TMPRSS12: variants seen among roughly 807,000 people sequenced by gnomAD.
TMPRSS12 encodes the protein transmembrane protease serine 12.
A neutral mutation model predicts 26.0 loss-of-function variants in TMPRSS12; 25 were observed. The observed-to-expected ratio is 0.96, with a 90% CI of 0.70 to 1.34. The LOEUF (loss-of-function observed/expected upper bound fraction) is 1.34. Among genes scored for constraint, TMPRSS12 ranks in the 40% most tolerant of loss-of-function variants. The pLI, the probability that TMPRSS12 is intolerant of heterozygous loss-of-function variation, is 0.00. For missense variants in TMPRSS12, 441 were observed against 440.1 expected, an observed-to-expected ratio of 1.00 and a Z score of -0.02; for synonymous variants, 150 against 161.7, an observed-to-expected ratio of 0.93 and a Z score of 0.55.
intron 3 of TMPRSS12, among the ~76,000 whole-genome samples, chr12:50,871,735 A>T (rs1938044596): frequency 6.6e-6 from 1 of 152,184 alleles, no homozygotes; most frequent in Admixed American, 6.5e-5. Context: ...AACTTAGACA[A>T]ATCAGCAAGC....
rs149552573 is a variant in TMPRSS12 at position 50,882,863 on chromosome 12, C to T, written c.653-2383C>T. Among the ~76,000 whole-genome samples the T allele has an allele frequency of 3.1e-3, 474 of 152,218 alleles. 1 individual carries two copies. Among genetic ancestry groups the T allele is most frequent in the African/African-American group, 0.011 (457 of 41,534 alleles). On this transcript the variant is annotated intron_variant, in intron 3 of 4. Transcript: ENST00000398458. Reference sequence around the variant, plus strand: ...ACAGATCATCTAAATCCTATACATACGCTTCCAAAGAATACAAAAGGAAGG... The same window carrying T: ...ACAGATCATCTAAATCCTATACATATGCTTCCAAAGAATACAAAAGGAAGG...
At chr12:50,865,919 A>T (rs1592220936) in intron 3 of TMPRSS12, among the ~76,000 whole-genome samples, 1 of 152,184 alleles carries the variant, frequency 6.6e-6, no homozygotes, top group East Asian at 1.9e-4. Context: ...TTGAGTACAG[A>T]CTGCAGAACT....
At chr12:50,859,712 G>C (rs1173938612) in intron 3 of TMPRSS12, among the ~76,000 whole-genome samples, 1 of 152,164 alleles carries the variant, frequency 6.6e-6, no homozygotes, top group Non-Finnish European at 1.5e-5. Flanking sequence ...TATCACAGCT[G>C]TCTACAATAC....
chr12:50,868,470 C>G (rs1938012140), intron 3 of TMPRSS12, among the ~76,000 whole-genome samples: 1 of 152,104 alleles, frequency 6.6e-6, no homozygotes, highest in African/African-American at 2.4e-5. Flanking sequence ...ATATATGCAC[C>G]TAACACTGGA....
chr12:50,885,383 T>TG lies in TMPRSS12; in HGVS notation c.791dup (p.Cys264TrpfsTer4). 6.2e-7 allele frequency: 1 copy of TG among 1,613,802 alleles called. No homozygotes were observed. The highest frequency in any genetic ancestry group is 2.2e-5 in the East Asian group (1 of 44,844). ...TGATGAAGATGGAGCTTTTGATACT[T>TG]GCAGGGTAAGACCAAGTAATTTTCC... On this transcript the variant is annotated frameshift_variant, in exon 4 of 5. Transcript: ENST00000398458. LOFTEE classifies it low-confidence loss of function (END_TRUNC).
intron 3 of TMPRSS12, among the ~76,000 whole-genome samples, chr12:50,871,742 A>G (rs578064896): frequency 6.6e-6 from 1 of 152,286 alleles, no homozygotes; most frequent in Admixed American, 6.5e-5. Flanking sequence ...ACAAATCAGC[A>G]AGCAAAAAAA....
At chr12:50,884,392 A>G (rs1007603035) in intron 3 of TMPRSS12, among the ~76,000 whole-genome samples, 6 of 152,210 alleles carry the variant, frequency 3.9e-5, no homozygotes, top group African/African-American at 1.4e-4. Flanking sequence ...GTTTAGTAAT[A>G]CAGCCAGCAT....
chr12:50,887,122 AGT>A (rs1233482377), intron 4 of TMPRSS12, 138 bp from the exon 5 acceptor site: 1 of 903,210 alleles, frequency 1.1e-6, no homozygotes, highest in Non-Finnish European at 1.6e-6. Flanking sequence ...CTCAAAATCT[AGT>A]GATCTTTATA....
At chr12:50,872,743 T>TGACGTATATATGTACATATAG (rs767637269) in intron 3 of TMPRSS12, among the ~76,000 whole-genome samples, 2 of 23,198 alleles carry the variant, frequency 8.6e-5, no homozygotes, top group African/African-American at 2.6e-4. Context: ...TACATATATA[T>TGACGTATATATGTACATATAG]ACGTCTATAT....
At chr12:50,844,350 C>T (rs1937747939) in intron 2 of TMPRSS12, among the ~76,000 whole-genome samples, 1 of 151,314 alleles carries the variant, frequency 6.6e-6, no homozygotes, top group Non-Finnish European at 1.5e-5. Context: ...CCTCCCCTAG[C>T]CCCCTACCCA....
intron 3 of TMPRSS12, among the ~76,000 whole-genome samples, chr12:50,871,165 C>G (rs1938038960): frequency 1.3e-5 from 2 of 152,090 alleles, no homozygotes; most frequent in Admixed American, 6.6e-5. Context: ...AAGAACAAAT[C>G]TAGAGGCATC....
rs562633588 is a variant in TMPRSS12 at position 50,877,766 on chromosome 12, C to G, written c.653-7480C>G. The stretch of plus-strand genomic sequence containing the variant: ...CTGGGATTACAGGCATGCGCCGCCA[C>G]GCGTGGCTAAGTTTTGTATTTTTAG... On this transcript the variant is annotated intron_variant, in intron 3 of 4. Coordinates refer to ENST00000398458, the MANE Select transcript of TMPRSS12 (RefSeq NM_182559.3). 4.6e-5 allele frequency among the ~76,000 whole-genome samples: 7 copies of G among 152,230 alleles called. No individual in the cohort carries two copies. The South Asian group carries it at 1.5e-3, about 32-fold the overall frequency.
chr12:50,881,343 G>A (rs1938162222), intron 3 of TMPRSS12, among the ~76,000 whole-genome samples: 1 of 152,076 alleles, frequency 6.6e-6, no homozygotes, highest in Non-Finnish European at 1.5e-5. Flanking sequence ...GAGCATAGGA[G>A]GACTCTGTGA....
At chr12:50,856,059 A>G (rs552851065) in intron 2 of TMPRSS12, among the ~76,000 whole-genome samples, 2 of 152,302 alleles carry the variant, frequency 1.3e-5, no homozygotes, top group East Asian at 1.9e-4. Context: ...GGCCTACTTG[A>G]GGGTGGAGAA....
intron 4 of TMPRSS12, 48 bp downstream of exon 4, chr12:50,885,436 G>C (rs781217990): frequency 6.8e-6 from 11 of 1,609,816 alleles, no homozygotes; most frequent in African/African-American, 1.3e-5. Flanking sequence ...AGCCAGAAGG[G>C]AACTTGTCAA....
In TMPRSS12 at chr12:50,887,330, C is replaced by G; in HGVS notation, c.864C>G (p.Thr288=). 6.2e-7 allele frequency: 1 copy of G among 1,613,884 alleles called. No homozygotes were observed. The highest frequency in any genetic ancestry group is 8.5e-7 in the Non-Finnish European group (1 of 1,179,852). ...AAAGATTTTTTGTAATGGGAATTAC[C>G]AGTTACGGACATGGCTGTGGTCGAA... ...EYKRFFVMGI[T]SYGHGCGRRG... Residue 288 remains threonine, a synonymous_variant, in exon 5 of 5, where the codon ACC becomes ACG. Coordinates refer to ENST00000398458, the MANE Select transcript of TMPRSS12 (RefSeq NM_182559.3).
intron 2 of TMPRSS12, among the ~76,000 whole-genome samples, chr12:50,856,986 G>A (rs953514353): frequency 3.3e-5 from 5 of 151,946 alleles, no homozygotes; most frequent in Non-Finnish European, 5.9e-5. Context: ...CACCATGCCC[G>A]GCCTAGAACA....
rs774035677 is a variant in TMPRSS12 at position 50,843,065 on chromosome 12, C to T, written c.101C>T (p.Ser34Leu). 1 of 1,593,478 alleles carries T rather than the reference C, an allele frequency of 6.3e-7. No homozygotes were observed. ...SPSGRHRLGPSPEPAASSQQA... is the reference protein window; with the variant it reads ...SPSGRHRLGPLPEPAASSQQA... ...TCTGGAAGGCACAGGCTCGGCCCCT[C>T]GCCGGAACCGGCGGCTAGTTCCCAG... is the stretch of plus-strand genomic sequence containing the variant. Residue 34 changes from serine to leucine, a missense_variant, in exon 1 of 5, where the codon TCG (serine) becomes TTG (leucine). Transcript: ENST00000398458.
In TMPRSS12 at chr12:50,843,112, AGGCTCC is replaced by A; in HGVS notation, c.152_157del (p.Leu51_Arg52del). The A allele has an allele frequency of 6.3e-7, 1 of 1,577,994 alleles. No individual in the cohort carries two copies. Among genetic ancestry groups the A allele is most frequent in the Non-Finnish European group, 8.6e-7 (1 of 1,161,772 alleles). On this transcript the variant is annotated inframe_deletion, in exon 1 of 5. Transcript: ENST00000398458. ...CCAGCAGGCTGAGGCCGTCCGCAAGAGGCTCCGGCGGCGGAGGGAGGGAGGGGCGCA... is the reference window on the plus strand; with the variant it reads ...CCAGCAGGCTGAGGCCGTCCGCAAGAGGCGGCGGAGGGAGGGAGGGGCGCA...
Sources: allele counts gnomAD v4.1 joint callset (sites outside exome capture counted in the v4.1 genomes callset), GRCh38; gene constraint gnomAD v4.1.1; transcripts MANE v1.5; gene names NCBI Gene and HGNC (gene_info 2026-07-23, HGNC 2026-07-21).